Variants in MAGI1 observed in about 807,000 individuals in gnomAD.
MAGI1 encodes the protein membrane associated guanylate kinase, WW and PDZ domain containing 1, also known as membrane-associated guanylate kinase, WW and PDZ domain-containing protein 1.
In MAGI1, 58 loss-of-function variants were observed where a neutral mutation model predicts 139.9. The ratio of observed to expected loss-of-function variants is 0.41; its 90% CI spans 0.34 to 0.52. MAGI1 has a LOEUF of 0.52. MAGI1 is among the 20% of genes least tolerant of loss of function. MAGI1 has a pLI of 0.12. For missense variants in MAGI1, 1,874 were observed against 1,901.6 expected (o/e 0.99, Z 0.27); for synonymous variants, 812 against 737.9 (o/e 1.10, Z -1.63).
At chr3:65,377,274 G>A (rs1383060) in intron 17 of MAGI1, among the ~76,000 whole-genome samples, 5,978 of 152,278 alleles carry the variant, frequency 0.039, 560 homozygotes, top group East Asian at 0.31. Flanking sequence ...AGGTAGGTGT[G>A]CTGGAATGCT....
chr3:65,758,998 C>T (rs190534), intron 1 of MAGI1, among the ~76,000 whole-genome samples: 1 of 138,390 alleles, frequency 7.2e-6, no homozygotes, highest in Non-Finnish European at 1.5e-5. Context: ...TGCAAGCTTT[C>T]TCATATATGA....
At chr3:65,557,181 T>C (rs35855737) in intron 2 of MAGI1, among the ~76,000 whole-genome samples, 19,289 of 152,272 alleles carry the variant, frequency 0.13, 1,617 homozygotes, top group Non-Finnish European at 0.19. Context: ...GGATGACTAA[T>C]AGAATATAGG....
At chr3:65,884,200 G>A (rs546117592) in intron 1 of MAGI1, among the ~76,000 whole-genome samples, 11 of 152,256 alleles carry the variant, frequency 7.2e-5, no homozygotes, top group African/African-American at 2.4e-4. Context: ...AGAAAAACAC[G>A]TCCGAATAAA....
intron 1 of MAGI1, among the ~76,000 whole-genome samples, chr3:65,895,384 G>T (rs1311595654): frequency 6.6e-6 from 1 of 152,160 alleles, no homozygotes; most frequent in Non-Finnish European, 1.5e-5. Flanking sequence ...AAATATACAG[G>T]CAATTTGCTG....
At chr3:65,545,994 G>A (rs182379006) in intron 2 of MAGI1, among the ~76,000 whole-genome samples, 22 of 136,734 alleles carry the variant, frequency 1.6e-4, no homozygotes, top group African/African-American at 3.0e-4. Context: ...ACACACACAC[G>A]CACACACACA....
chr3:65,577,424 C>G (rs1489906715), intron 2 of MAGI1, among the ~76,000 whole-genome samples: 1 of 152,090 alleles, frequency 6.6e-6, no homozygotes, highest in Non-Finnish European at 1.5e-5. Flanking sequence ...AACACGGCTC[C>G]TATCTTCACT....
intron 13 of MAGI1, among the ~76,000 whole-genome samples, chr3:65,396,947 T>C (rs1944437503): frequency 6.6e-6 from 1 of 152,220 alleles, no homozygotes. Flanking sequence ...TGACTGGATA[T>C]GAAAATGGGT....
chr3:65,909,219 G>C (rs185766127), intron 1 of MAGI1, among the ~76,000 whole-genome samples: 120 of 152,156 alleles, frequency 7.9e-4, no homozygotes, highest in African/African-American at 2.8e-3. Context: ...TATTTCCATA[G>C]CCCACCTTTA....
chr3:65,365,777 T>C (rs866723757), intron 18 of MAGI1, among the ~76,000 whole-genome samples: 38 of 152,332 alleles, frequency 2.5e-4, no homozygotes, highest in African/African-American at 9.1e-4. Flanking sequence ...AGGAGACCTA[T>C]GGCTTATAGT....
chr3:65,381,621 A>C (rs1389621607), intron 16 of MAGI1, among the ~76,000 whole-genome samples: 1 of 152,172 alleles, frequency 6.6e-6, no homozygotes. Context: ...AGGAGATAGA[A>C]GGGAAGTAAT....
intron 1 of MAGI1, among the ~76,000 whole-genome samples, chr3:65,834,743 A>G (rs545145379): frequency 1.3e-5 from 2 of 152,298 alleles, no homozygotes; most frequent in South Asian, 2.1e-4. Context: ...TTTGCTTCAC[A>G]TATTTTGCAG....
intron 1 of MAGI1, among the ~76,000 whole-genome samples, chr3:65,880,344 GTCA>G (rs750523609): frequency 3.8e-4 from 58 of 152,156 alleles, no homozygotes; most frequent in Non-Finnish European, 6.0e-4. Flanking sequence ...GATGGCTGCT[GTCA>G]TCATCACAGT....
intron 1 of MAGI1, among the ~76,000 whole-genome samples, chr3:65,905,704 C>G (rs1356885882): frequency 6.6e-6 from 1 of 152,164 alleles, no homozygotes; most frequent in African/African-American, 2.4e-5. Flanking sequence ...CAAAAACAGA[C>G]TTTGCACCTC....
intron 5 of MAGI1, among the ~76,000 whole-genome samples, chr3:65,467,935 C>T (rs1427299641): frequency 6.6e-6 from 1 of 152,148 alleles, no homozygotes; most frequent in African/African-American, 2.4e-5. Context: ...AGAATAACCA[C>T]AGATAATGAT....
intron 1 of MAGI1, chr3:66,008,633 A>T (rs1261298778): frequency 1.3e-5 from 2 of 152,252 alleles, no homozygotes; most frequent in Non-Finnish European, 2.9e-5. Context: ...CTGTCAGGCC[A>T]GGATCCCTGG....
intron 1 of MAGI1, among the ~76,000 whole-genome samples, chr3:65,742,140 CAAG>C (rs1305370106): frequency 6.6e-6 from 1 of 152,046 alleles, no homozygotes; most frequent in Non-Finnish European, 1.5e-5. Flanking sequence ...GTATCAAGTC[CAAG>C]AAGAACAAAG....
At chr3:65,401,395 C>T (rs1405820558) in intron 13 of MAGI1, 44 bp downstream of exon 13, 3 of 592,366 alleles carry the variant, frequency 5.1e-6, no homozygotes, top group South Asian at 4.4e-5. Flanking sequence ...CCCCCACCAT[C>T]CACCCCAGCC....
At chr3:66,026,672 G>C (rs1041576608) in intron 1 of MAGI1, among the ~76,000 whole-genome samples, 2 of 151,916 alleles carry the variant, frequency 1.3e-5, no homozygotes, top group Non-Finnish European at 2.9e-5. Flanking sequence ...GGAGGATAGA[G>C]AGAGGGCACA....
At chr3:65,633,111 G>A (rs2084406891) in intron 1 of MAGI1, among the ~76,000 whole-genome samples, 1 of 152,110 alleles carries the variant, frequency 6.6e-6, no homozygotes, top group Non-Finnish European at 1.5e-5. Context: ...TAAAGTTTGT[G>A]GACCAATGGT....
Sources: gnomAD v4.1 joint callset for allele counts (sites outside exome capture counted in the v4.1 genomes callset) on GRCh38, gnomAD v4.1.1 for gene constraint, MANE v1.5 for transcripts, NCBI Gene and HGNC (gene_info 2026-07-23, HGNC 2026-07-21) for gene names.